Variants in CDH9 observed in about 807,000 individuals in gnomAD.
CDH9 encodes the protein cadherin 9.
A neutral mutation model predicts 70.9 loss-of-function variants in CDH9; 28 were observed. That is an observed-to-expected ratio of 0.40 (90% confidence interval 0.29 to 0.54). CDH9 has a LOEUF of 0.54. Ranked by LOEUF, CDH9 falls within the 20% of genes least tolerant of loss-of-function variation. The probability of loss-of-function intolerance (pLI) is 0.59; values close to 1 mark genes in which losing one functional copy is unlikely to be tolerated. For synonymous variants in CDH9, 409 were observed against 343.1 expected, an observed-to-expected ratio of 1.19 and a Z score of -2.12; for missense variants, 874 against 984.4, an observed-to-expected ratio of 0.89 and a Z score of 1.50.
chr5:26,998,681 G>A (rs935681264), intron 1 of CDH9, among the ~76,000 whole-genome samples: 2 of 151,894 alleles, frequency 1.3e-5, no homozygotes, highest in Non-Finnish European at 2.9e-5. Flanking sequence ...GTATACATAT[G>A]TAACTGACCT....
At chr5:26,929,625 T>C (rs1379063173) in intron 2 of CDH9, among the ~76,000 whole-genome samples, 1 of 151,858 alleles carries the variant, frequency 6.6e-6, no homozygotes, top group Non-Finnish European at 1.5e-5. Flanking sequence ...ATAAAGAAAA[T>C]GAGGTACATG....
intron 1 of CDH9, among the ~76,000 whole-genome samples, chr5:27,016,343 G>C (rs1743046232): frequency 6.6e-6 from 1 of 151,768 alleles, no homozygotes; most frequent in Non-Finnish European, 1.5e-5. Flanking sequence ...TGATGAAAAA[G>C]TACATTGCTC....
chr5:26,994,513 G>GT (rs370110644), intron 1 of CDH9, among the ~76,000 whole-genome samples: 1,550 of 150,778 alleles, frequency 0.01, 28 homozygotes, highest in African/African-American at 0.034. Flanking sequence ...TTTTTTTCCT[G>GT]TTTTTTTTGT....
chr5:26,953,485 C>G (rs968656372), intron 2 of CDH9, among the ~76,000 whole-genome samples: 5 of 152,158 alleles, frequency 3.3e-5, no homozygotes, highest in African/African-American at 1.2e-4. Flanking sequence ...TTTAACCAGT[C>G]AAATGACAAG....
intron 2 of CDH9, among the ~76,000 whole-genome samples, chr5:26,964,773 C>A (rs1317451982): frequency 6.6e-6 from 1 of 150,752 alleles, no homozygotes; most frequent in African/African-American, 2.4e-5. Context: ...AATGCTATCC[C>A]ACCTGCCCCA....
chr5:26,979,596 C>T (rs561491315), intron 2 of CDH9, among the ~76,000 whole-genome samples: 12 of 151,788 alleles, frequency 7.9e-5, no homozygotes, highest in East Asian at 1.9e-4. Flanking sequence ...TGTCAGATTG[C>T]GTAAAAAGAA....
intron 1 of CDH9, among the ~76,000 whole-genome samples, chr5:27,016,635 C>T (rs1016348229): frequency 7.2e-5 from 11 of 151,744 alleles, no homozygotes; most frequent in African/African-American, 2.7e-4. Flanking sequence ...AAAGTTGTAG[C>T]TTTAAATCTA....
intron 2 of CDH9, among the ~76,000 whole-genome samples, chr5:26,948,914 A>G (rs1448204305): frequency 6.6e-6 from 1 of 152,176 alleles, no homozygotes; most frequent in African/African-American, 2.4e-5. Context: ...GGCAGGAATG[A>G]TGGGGTGGGA....
At chr5:26,903,380 A>G (rs943423731) in intron 6 of CDH9, 9 of 574,176 alleles carry the variant, frequency 1.6e-5, no homozygotes, top group Non-Finnish European at 2.5e-5. Flanking sequence ...GAGAAATACA[A>G]AACAAGTACC....
intron 2 of CDH9, among the ~76,000 whole-genome samples, chr5:26,920,644 G>C (rs1050831834): frequency 6.6e-6 from 1 of 152,108 alleles, no homozygotes; most frequent in South Asian, 2.1e-4. Flanking sequence ...AGCGCAGGGA[G>C]ACAGACTCTG....
chr5:27,029,102 G>A (rs1210985435), intron 1 of CDH9, among the ~76,000 whole-genome samples: 2 of 151,892 alleles, frequency 1.3e-5, no homozygotes, highest in Admixed American at 1.3e-4. Context: ...TTTTAAAAGA[G>A]ATAATTACAA....
At chr5:26,988,709 A>G (rs1439199921) in intron 1 of CDH9, among the ~76,000 whole-genome samples, 3 of 152,062 alleles carry the variant, frequency 2.0e-5, no homozygotes, top group Non-Finnish European at 2.9e-5. Context: ...TTATCACAGC[A>G]AATGTTCCAT....
At chr5:26,975,816 G>C (rs1332452555) in intron 2 of CDH9, among the ~76,000 whole-genome samples, 1 of 152,126 alleles carries the variant, frequency 6.6e-6, no homozygotes, top group Non-Finnish European at 1.5e-5. Flanking sequence ...TCCCTCTGAG[G>C]GTAATTCCCA....
At chr5:27,036,799 C>T (rs1415843380) in intron 1 of CDH9, among the ~76,000 whole-genome samples, 1 of 151,772 alleles carries the variant, frequency 6.6e-6, no homozygotes, top group Non-Finnish European at 1.5e-5. Flanking sequence ...CTATTAAGTG[C>T]ATATAATTAT....
At chr5:26,954,384 C>CTTTT (rs141394776) in intron 2 of CDH9, among the ~76,000 whole-genome samples, 3 of 18,370 alleles carry the variant, frequency 1.6e-4, no homozygotes, top group African/African-American at 3.9e-4. Flanking sequence ...ATTATACAGC[C>CTTTT]TTTCTTTTTT....
chr5:26,925,571 A>C (rs1579454683), intron 2 of CDH9, among the ~76,000 whole-genome samples: 1 of 152,030 alleles, frequency 6.6e-6, no homozygotes, highest in East Asian at 1.9e-4. Context: ...CCATTTGTCT[A>C]TTTTGGCTTT....
At chr5:27,022,276 T>G (rs1404155996) in intron 1 of CDH9, among the ~76,000 whole-genome samples, 1 of 151,962 alleles carries the variant, frequency 6.6e-6, no homozygotes, top group Non-Finnish European at 1.5e-5. Context: ...ACAAATTGAG[T>G]TTTTTTAAAG....
intron 2 of CDH9, among the ~76,000 whole-genome samples, chr5:26,966,910 T>TA (rs1236793658): frequency 3.3e-5 from 5 of 152,016 alleles, no homozygotes; most frequent in South Asian, 4.1e-4. Flanking sequence ...CTCTCTGCTT[T>TA]AAAAAATGTT....
intron 2 of CDH9, among the ~76,000 whole-genome samples, chr5:26,954,854 A>C (rs1741917781): frequency 6.6e-6 from 1 of 152,174 alleles, no homozygotes; most frequent in Admixed American, 6.5e-5. Flanking sequence ...CACGTATGTC[A>C]TCATAAGATT....
Sources: allele counts gnomAD v4.1 joint callset (sites outside exome capture counted in the v4.1 genomes callset), GRCh38; gene constraint gnomAD v4.1.1; transcripts MANE v1.5; gene names NCBI Gene and HGNC (gene_info 2026-07-23, HGNC 2026-07-21).